The following HNRNPR variants were observed in gnomAD, a reference collection of about 807,000 sequenced individuals.
HNRNPR encodes the protein heterogeneous nuclear ribonucleoprotein R.
A neutral mutation model predicts 70.3 loss-of-function variants in HNRNPR; 4 were observed. The ratio of observed to expected loss-of-function variants is 0.06; its 90% CI spans 0.03 to 0.13. The LOEUF is 0.13. HNRNPR is among the 10% of genes least tolerant of loss of function. The pLI is 1.00. For missense variants in HNRNPR, 423 were observed against 788.5 expected, an observed-to-expected ratio of 0.54 and a Z score of 5.55; for synonymous variants, 241 against 267.6, an observed-to-expected ratio of 0.90 and a Z score of 0.97.
At position 23,309,318 on chromosome 1, in the gene HNRNPR, C is replaced by G. The variant is rs1454558070; in HGVS notation, c.*1136G>C. The stretch of plus-strand genomic sequence containing the variant: ...CGATCATTTTCACTAAAACTAAAGT[C>G]CGCAGTGCAATTGACGCCACAGTAC... On this transcript the variant is annotated 3_prime_UTR_variant, in exon 11 of 11. Transcript: ENST00000302271. The G allele has an allele frequency of 5.9e-5, 9 of 152,076 alleles. No homozygotes were observed. The highest frequency in any genetic ancestry group is 1.5e-5 in the Non-Finnish European group (1 of 67,972). 9.4% of individuals were successfully genotyped at this position (152,076 alleles called of 1,614,324 possible).
intron 5 of HNRNPR, among the ~76,000 whole-genome samples, chr1:23,329,971 C>T (rs1218174387): frequency 6.6e-6 from 1 of 152,166 alleles, no homozygotes; most frequent in African/African-American, 2.4e-5. Context: ...CTTATATTAT[C>T]TAGCTCCTAT....
chr1:23,341,863 T>A (rs1646714647), intron 1 of HNRNPR, among the ~76,000 whole-genome samples: 1 of 152,188 alleles, frequency 6.6e-6, no homozygotes, highest in Non-Finnish European at 1.5e-5. Flanking sequence ...CAGATTAACC[T>A]ATCAAAAATA....
chr1:23,343,853 G>C (rs1460553563), intron 1 of HNRNPR, among the ~76,000 whole-genome samples: 1 of 152,138 alleles, frequency 6.6e-6, no homozygotes, highest in Non-Finnish European at 1.5e-5. Context: ...CGGCTCCGGC[G>C]GGGAGAAGCG....
chr1:23,326,256 C>T (rs900693014), intron 5 of HNRNPR, among the ~76,000 whole-genome samples: 2 of 151,930 alleles, frequency 1.3e-5, no homozygotes, highest in Non-Finnish European at 2.9e-5. Context: ...TGCTTAATAC[C>T]GTGAAGCCAA....
rs1389522586 is a variant in HNRNPR at position 23,321,789 on chromosome 1, A to G, written c.676-126T>C. The G allele has an allele frequency of 1.8e-5, 15 of 819,848 alleles. No individual in the cohort carries two copies. The South Asian group carries it at 3.5e-4, about 19-fold the overall frequency. The allele number at this position is 819,848 out of a possible 1,614,324, so 50.8% of individuals were successfully genotyped here. A position where few individuals can be genotyped will look rare whatever the true frequency, so the allele number is the denominator to read the frequency against. ...CTTCATCAACTCACCAAGTTCCCTC[A>G]TGCTTTCCATAATATGAATGTATAT... On this transcript the variant is annotated intron_variant, in intron 6 of 10. Coordinates refer to ENST00000302271, the MANE Select transcript of HNRNPR (RefSeq NM_005826.5).
In HNRNPR at chr1:23,308,827, T is replaced by C. The variant is rs1389674277; in HGVS notation, c.*1627A>G. The C allele has an allele frequency of 2.0e-5, 3 of 152,078 alleles. No homozygotes were observed. Among genetic ancestry groups the C allele is most frequent in the African/African-American group, 4.8e-5 (2 of 41,454 alleles). 9.4% of individuals were successfully genotyped at this position (152,078 alleles called of 1,614,324 possible). A position where few individuals can be genotyped will look rare whatever the true frequency, so the allele number is the denominator to read the frequency against. ...AGTGGCTTATGATTTTGAAATCTAATATTCCTATCACAAAGACACCAAACA... is the reference window on the plus strand; with the variant it reads ...AGTGGCTTATGATTTTGAAATCTAACATTCCTATCACAAAGACACCAAACA... On this transcript the variant is annotated 3_prime_UTR_variant, in exon 11 of 11. Transcript: ENST00000302271.
Position 23,331,291 on chromosome 1 carries a change from G to T in HNRNPR, c.498+2227C>A, listed in dbSNP as rs563220396. On this transcript the variant is annotated intron_variant, in intron 5 of 10. Transcript: ENST00000302271. ...CTCCGAGTTTATTAGGCCAGACATG[G>T]TGACTCACGCCTGTAATCCCAGCAT... is the stretch of plus-strand genomic sequence containing the variant. Among the ~76,000 whole-genome samples the T allele has an allele frequency of 8.9e-4, 135 of 151,732 alleles. 1 individual carries two copies. The highest frequency in any genetic ancestry group is 3.2e-3 in the African/African-American group (130 of 41,260).
At chr1:23,314,323 T>C (rs1557830997) in intron 8 of HNRNPR, among the ~76,000 whole-genome samples, 1 of 152,150 alleles carries the variant, frequency 6.6e-6, no homozygotes, top group Non-Finnish European at 1.5e-5. Context: ...GGAGTGGGGA[T>C]GACCTTATGA....
intron 5 of HNRNPR, among the ~76,000 whole-genome samples, chr1:23,329,575 T>C (rs1646134753): frequency 6.6e-6 from 1 of 152,216 alleles, no homozygotes; most frequent in Non-Finnish European, 1.5e-5. Flanking sequence ...TTTAGCTGTC[T>C]ACAATTTATC....
rs751575933 is a variant in HNRNPR at position 23,337,903 on chromosome 1, T to C, written c.277-42A>G. 5.2e-6 allele frequency: 6 copies of C among 1,159,848 alleles called. No individual in the cohort carries two copies. In the East Asian group the frequency reaches 1.4e-4, roughly 27 times the overall value. The allele number at this position is 1,159,848 out of a possible 1,614,324, so 71.8% of individuals were successfully genotyped here. A position where few individuals can be genotyped will look rare whatever the true frequency, so the allele number is the denominator to read the frequency against. On this transcript the variant is annotated intron_variant, in intron 3 of 10. Transcript: ENST00000302271. Reference sequence around the variant, plus strand: ...ATTCAATAAAAAGAATCACCAAAAATATCTGAAGGGTCAGATACATAATTA... The same window carrying C: ...ATTCAATAAAAAGAATCACCAAAAACATCTGAAGGGTCAGATACATAATTA...
chr1:23,318,533 C>T lies in HNRNPR; in HGVS notation c.967G>A (p.Val323Ile). ...TCTTCCACAGGGTCAGCCCATTCAACTGTAACTACATTTCCCCACACTTTT... is the reference window on the plus strand; with the variant it reads ...TCTTCCACAGGGTCAGCCCATTCAATTGTAACTACATTTCCCCACACTTTT... The part of the protein sequence containing the change: ...KVKVWGNVVT[V>I]EWADPVEEPD... Residue 323 changes from valine (V) to isoleucine (I), a missense_variant, in exon 8 of 11, where the codon GTT (valine) becomes ATT (isoleucine). Transcript: ENST00000302271. This position sits in a 1 kb window ranked among gnomAD's most constrained non-coding sequence, Gnocchi z 4.2. The T allele has an allele frequency of 6.2e-7, 1 of 1,614,228 alleles. No individual in the cohort carries two copies. Among genetic ancestry groups the T allele is most frequent in the Non-Finnish European group, 8.5e-7 (1 of 1,180,044 alleles).
rs1472648838 is a variant in HNRNPR at position 23,309,091 on chromosome 1, T to C, written c.*1363A>G. 1 of 151,960 alleles carries C rather than the reference T, an allele frequency of 6.6e-6. No individual in the cohort carries two copies. The highest frequency in any genetic ancestry group is 1.5e-5 in the Non-Finnish European group (1 of 67,906). The allele number at this position is 151,960 out of a possible 1,614,324, so 9.4% of individuals were successfully genotyped here. A position where few individuals can be genotyped will look rare whatever the true frequency, so the allele number is the denominator to read the frequency against. ...AGAATTTCTAAAGGAAATAGGGAAA[T>C]AGATGTTATGTCTTGGCCAACAAAA... On this transcript the variant is annotated 3_prime_UTR_variant, in exon 11 of 11. Coordinates refer to ENST00000302271, the MANE Select transcript of HNRNPR (RefSeq NM_005826.5).
Position 23,313,632 on chromosome 1 carries a change from T to C in HNRNPR, c.1088A>G (p.Glu363Gly), listed in dbSNP as rs954695400. ...CTTTACTCTTTCGAGTTTTCCAAATTCAGAAAATGACTTTTCCAATATTTC... is the reference window on the plus strand; with the variant it reads ...CTTTACTCTTTCGAGTTTTCCAAATCCAGAAAATGACTTTTCCAATATTTC... ...TEEILEKSFS[E>G]FGKLERVKKL... The change falls in exon 9 of 11, where the codon GAA becomes GGA. Residue 363 changes from glutamate (E) to glycine (G), a missense_variant. Transcript: ENST00000302271. The C allele has an allele frequency of 1.2e-6, 2 of 1,605,242 alleles. No individual in the cohort carries two copies. Among genetic ancestry groups the C allele is most frequent in the Middle Eastern group, 1.7e-4 (1 of 5,976 alleles).
rs150108774 is a variant in HNRNPR, at chr1:23,318,166, T to TC, written c.1017+316_1017+317insG. Among the ~76,000 whole-genome samples the TC allele has an allele frequency of 0.024, 3,547 of 149,798 alleles. 154 individuals are homozygous for TC. The highest frequency in any genetic ancestry group is 0.083 in the African/African-American group (3,321 of 39,946). ...ATTACTTCTCTCTTTACTCAGGACT[T>TC]TTAAAAAAAAAAAAAACCTCTATCC... is the stretch of plus-strand genomic sequence containing the variant. On this transcript the variant is annotated intron_variant, in intron 8 of 10. Coordinates refer to ENST00000302271, the MANE Select transcript of HNRNPR (RefSeq NM_005826.5). The surrounding 1 kb of genome is among the most constrained non-coding windows in gnomAD (Gnocchi z 4.2).
At chr1:23,324,624 G>A (rs988652885) in intron 5 of HNRNPR, among the ~76,000 whole-genome samples, 2 of 151,932 alleles carry the variant, frequency 1.3e-5, no homozygotes, top group East Asian at 3.9e-4. Context: ...AAACTCCAGT[G>A]CTTCAATCTA....
At chr1:23,319,636 A>G (rs1645680611) in intron 7 of HNRNPR, among the ~76,000 whole-genome samples, 1 of 152,192 alleles carries the variant, frequency 6.6e-6, no homozygotes, top group Non-Finnish European at 1.5e-5. Flanking sequence ...TCCCATAAAC[A>G]AGAAATAGGT....
intron 1 of HNRNPR, among the ~76,000 whole-genome samples, chr1:23,341,279 T>C (rs1217373387): frequency 1.3e-5 from 2 of 152,188 alleles, no homozygotes; most frequent in African/African-American, 2.4e-5. Context: ...TTACTGAAGG[T>C]AGAATTGCTG....
Position 23,308,957 on chromosome 1 carries a change from G to A in HNRNPR, c.*1497C>T, listed in dbSNP as rs1645247354. ...TTTGAGAACCACGTAAGAATAAGATGGAGGGGAAAACTTAATAGTAATTTG... is the reference window on the plus strand; with the variant it reads ...TTTGAGAACCACGTAAGAATAAGATAGAGGGGAAAACTTAATAGTAATTTG... On this transcript the variant is annotated 3_prime_UTR_variant, in exon 11 of 11. Coordinates refer to ENST00000302271, the MANE Select transcript of HNRNPR (RefSeq NM_005826.5). The A allele has an allele frequency of 6.6e-6, 1 of 152,020 alleles. No homozygotes were observed. Among genetic ancestry groups the A allele is most frequent in the Admixed American group, 6.5e-5 (1 of 15,282 alleles). 9.4% of individuals were successfully genotyped at this position (152,020 alleles called of 1,614,324 possible).
chr1:23,306,184 T>A lies in HNRNPR; in HGVS notation c.*4270A>T, dbSNP rs1645200079. ...TATTTTGCTCACTTAAAATATACCCTGAGTATTTCATTACTTCATACTTGC... is the reference window on the plus strand; with the variant it reads ...TATTTTGCTCACTTAAAATATACCCAGAGTATTTCATTACTTCATACTTGC... On this transcript the variant is annotated 3_prime_UTR_variant, in exon 11 of 11. Coordinates refer to ENST00000302271, the MANE Select transcript of HNRNPR (RefSeq NM_005826.5). The A allele has an allele frequency of 6.6e-6, 1 of 152,188 alleles. No homozygotes were observed. The highest frequency in any genetic ancestry group is 2.4e-5 in the African/African-American group (1 of 41,460). The allele number at this position is 152,188 out of a possible 1,614,324, so 9.4% of individuals were successfully genotyped here.
Sources: gnomAD v4.1 joint callset for allele counts (sites outside exome capture counted in the v4.1 genomes callset) on GRCh38, gnomAD v4.1.1 for gene constraint, Gnocchi (gnomAD v3.1) non-coding constraint, MANE v1.5 for transcripts, NCBI Gene and HGNC (gene_info 2026-07-23, HGNC 2026-07-21) for gene names.